EXOG: variants seen among roughly 807,000 people sequenced by gnomAD.
The protein encoded by EXOG is exo/endonuclease G, also known as nuclease EXOG, mitochondrial.
EXOG carries 27 observed loss-of-function variants against 25.8 expected under a neutral mutation model. The observed-to-expected ratio is 1.05, with a 90% confidence interval of 0.77 to 1.45. EXOG has a LOEUF of 1.45. Among genes scored for constraint, EXOG ranks in the 40% most tolerant of loss-of-function variants. The pLI is 0.00. For synonymous variants in EXOG, 133 were observed against 167.0 expected, an observed-to-expected ratio of 0.80 and a Z score of 1.57; for missense variants, 458 against 450.5, an observed-to-expected ratio of 1.02 and a Z score of -0.15.
At chr3:38,496,644 A>G in intron 1 of EXOG, 114 bp downstream of exon 1, 1 of 1,486,102 alleles carries the variant, frequency 6.7e-7, no homozygotes, top group Non-Finnish European at 8.9e-7. Flanking sequence ...CTGGGCCCCT[A>G]GCCTGGCCCT....
Position 38,503,603 on chromosome 3 carries a change from C to G in EXOG, c.454-12C>G, listed in dbSNP as rs982397172. ...CATTTCAGTGCAAGTTACTATGTTT[C>G]TTTCTTTACAGAAAGCCATGGCTGA... On this transcript the variant is annotated splice_polypyrimidine_tract_variant and intron_variant, in intron 3 of 5. Transcript: ENST00000287675. 6.6e-7 allele frequency: 1 copy of G among 1,524,502 alleles called. No individual in the cohort carries two copies. Among genetic ancestry groups the G allele is most frequent in the African/African-American group, 1.4e-5 (1 of 73,126 alleles). The allele number at this position is 1,524,502 out of a possible 1,614,324, so 94.4% of individuals were successfully genotyped here. A position where few individuals can be genotyped will look rare whatever the true frequency, so the allele number is the denominator to read the frequency against.
intron 2 of EXOG, 69 bp downstream of exon 2, chr3:38,497,847 A>T: frequency 4.0e-6 from 6 of 1,515,748 alleles, no homozygotes; most frequent in South Asian, 3.7e-5. Flanking sequence ...TAAAACAGGG[A>T]TGATTATTAA....
At chr3:38,496,923 G>A in intron 1 of EXOG, 2 of 1,127,000 alleles carry the variant, frequency 1.8e-6, no homozygotes, top group South Asian at 1.6e-5. Flanking sequence ...TACATAATTG[G>A]CATTCAGTAA....
At chr3:38,523,063 A>G (rs887241992) in intron 5 of EXOG, 2 of 445,180 alleles carry the variant, frequency 4.5e-6, no homozygotes, top group South Asian at 3.4e-5. Flanking sequence ...CCCTAATTGA[A>G]GTGATCCTGG....
At position 38,497,789 on chromosome 3, in the gene EXOG, G is replaced by T. The variant is rs1462763816; in HGVS notation, c.313+11G>T. On this transcript the variant is annotated intron_variant, in intron 2 of 5. Transcript: ENST00000287675. ...AAAGCAAGATAATGGGTAGGTGGTT[G>T]GATAAAAAAACTGAAGTAACAGTAT... The T allele has an allele frequency of 6.3e-7, 1 of 1,582,618 alleles. No individual in the cohort carries two copies. The highest frequency in any genetic ancestry group is 1.2e-5 in the South Asian group (1 of 84,572).
chr3:38,520,244 A>G (rs2060673297), intron 5 of EXOG, among the ~76,000 whole-genome samples: 1 of 152,194 alleles, frequency 6.6e-6, no homozygotes, highest in South Asian at 2.1e-4. Context: ...TCTTGGATGG[A>G]AGGAAACAAG....
rs144341150 is a variant in EXOG at position 38,497,636 on chromosome 3, A to T, written c.171A>T (p.Ala57=). 136 of 1,559,952 alleles carry T rather than the reference A, an allele frequency of 8.7e-5. No individual in the cohort carries two copies. In the African/African-American group the frequency reaches 1.8e-3, roughly 21 times the overall value. Residue 57 remains alanine, a synonymous_variant, in exon 2 of 6, where the codon GCA becomes GCT. Coordinates refer to ENST00000287675, the MANE Select transcript of EXOG (RefSeq NM_005107.4). ...ALTGKQPDGS[A]EKAVLEQFGF... is the part of the protein sequence containing the mutation. Reference sequence around the variant, plus strand: ...TTTTTTTTTCATTTTTAGGATCTGCAGAAAAGGCTGTCTTGGAACAATTTG... The same window carrying T: ...TTTTTTTTTCATTTTTAGGATCTGCTGAAAAGGCTGTCTTGGAACAATTTG...
intron 5 of EXOG, among the ~76,000 whole-genome samples, chr3:38,521,565 G>A (rs2060716902): frequency 6.6e-6 from 1 of 152,242 alleles, no homozygotes; most frequent in African/African-American, 2.4e-5. Flanking sequence ...GTACTGCAGT[G>A]ATGGGGAATG....
rs142372068 is a variant in EXOG, at chr3:38,524,292, G to A, written c.1037G>A (p.Arg346His). The A allele has an allele frequency of 1.1e-5, 18 of 1,613,838 alleles. No homozygotes were observed. Among genetic ancestry groups the A allele is most frequent in the South Asian group, 2.2e-5 (2 of 91,022 alleles). ...EIEPDDYFMSRYEKKLEELKA... is the reference protein window; with the variant it reads ...EIEPDDYFMSHYEKKLEELKA... ...GAACCAGATGATTACTTTATGAGTCGCTATGAGAAGAAGCTAGAAGAACTC... is the reference window on the plus strand; with the variant it reads ...GAACCAGATGATTACTTTATGAGTCACTATGAGAAGAAGCTAGAAGAACTC... Residue 346 changes from arginine (R) to histidine (H), a missense_variant, in exon 6 of 6, where the codon CGC becomes CAC. Arg to His is a conservative substitution (Grantham distance 29). This residue lies in a region of EXOG where 178 missense variants were observed against 203.7 expected (regional missense o/e 0.87). Coordinates refer to ENST00000287675, the MANE Select transcript of EXOG (RefSeq NM_005107.4).
intron 5 of EXOG, among the ~76,000 whole-genome samples, chr3:38,522,661 C>T (rs1451089063): frequency 2.0e-5 from 3 of 152,110 alleles, no homozygotes; most frequent in African/African-American, 2.4e-5. Flanking sequence ...TGCGCCACCA[C>T]GCCCAGCTAA....
At chr3:38,521,168 G>C (rs1038285935) in intron 5 of EXOG, among the ~76,000 whole-genome samples, 1 of 152,220 alleles carries the variant, frequency 6.6e-6, no homozygotes, top group African/African-American at 2.4e-5. Context: ...TCAGAAAAGA[G>C]ATTAGTGAGT....
At chr3:38,508,923 TC>T (rs1297047506) in intron 5 of EXOG, among the ~76,000 whole-genome samples, 3 of 152,164 alleles carry the variant, frequency 2.0e-5, no homozygotes, top group African/African-American at 4.8e-5. Flanking sequence ...GTAGTTGTTT[TC>T]AAGGATTTGT....
At chr3:38,503,142 G>T (rs2060097867) in intron 3 of EXOG, among the ~76,000 whole-genome samples, 1 of 152,216 alleles carries the variant, frequency 6.6e-6, no homozygotes, top group African/African-American at 2.4e-5. Context: ...GTGAGGTAGA[G>T]CCTTGTATAT....
chr3:38,514,945 T>C (rs1158547598), intron 5 of EXOG, among the ~76,000 whole-genome samples: 1 of 152,102 alleles, frequency 6.6e-6, no homozygotes, highest in East Asian at 1.9e-4. Flanking sequence ...TAATTTTTTA[T>C]ATTTTTAGTA....
intron 5 of EXOG, chr3:38,513,647 C>T (rs948570894): frequency 6.6e-6 from 1 of 152,062 alleles, no homozygotes; most frequent in Non-Finnish European, 1.5e-5. Context: ...AAAATATATT[C>T]TTGGAGCCCT....
At chr3:38,517,482 G>A (rs186023578) in intron 5 of EXOG, among the ~76,000 whole-genome samples, 192 of 152,346 alleles carry the variant, frequency 1.3e-3, no homozygotes, top group Non-Finnish European at 2.1e-3. Context: ...GATCCTTTTA[G>A]TGGGGATTGA....
chr3:38,497,896 ATTATAT>A, intron 2 of EXOG, 118 bp downstream of exon 2: 12 of 1,264,130 alleles, frequency 9.5e-6, no homozygotes, highest in Middle Eastern at 2.6e-4. Context: ...CATGTAGAAA[ATTATAT>A]TTATATAACT....
chr3:38,515,780 T>G (rs2060523101), intron 5 of EXOG: 1 of 154,718 alleles, frequency 6.5e-6, no homozygotes, highest in African/African-American at 2.4e-5. Context: ...TCTCCAACCC[T>G]GCAGGCACTT....
At chr3:38,506,176 GA>G (rs999594481) in intron 4 of EXOG, among the ~76,000 whole-genome samples, 1,622 of 146,468 alleles carry the variant, frequency 0.011, 26 homozygotes, top group African/African-American at 0.037. Flanking sequence ...CTAAAAAAAA[GA>G]AAAAAAAAAT....
Sources: allele counts gnomAD v4.1 joint callset (sites outside exome capture counted in the v4.1 genomes callset), GRCh38; gene constraint gnomAD v4.1.1; regional missense constraint gnomAD v4.1.1; transcripts MANE v1.5; gene names NCBI Gene and HGNC (gene_info 2026-07-23, HGNC 2026-07-21).